OLFML2B: variants seen among roughly 807,000 people sequenced by gnomAD.
OLFML2B encodes the protein olfactomedin-like protein 2B.
Under a neutral mutation model 74.9 loss-of-function variants are expected in OLFML2B, and 57 were observed. The ratio of observed to expected loss-of-function variants is 0.76; its 90% CI spans 0.61 to 0.95. OLFML2B has a LOEUF of 0.95. Ranked by LOEUF, OLFML2B falls within the 40% of genes least tolerant of loss-of-function variation. OLFML2B has a pLI of 0.00. For synonymous variants in OLFML2B, 388 were observed against 405.8 expected (o/e 0.96, Z 0.53); for missense variants, 986 against 970.6 (o/e 1.02, Z -0.21).
At chr1:162,005,621 G>A (rs1690199540) in intron 4 of OLFML2B, among the ~76,000 whole-genome samples, 1 of 152,214 alleles carries the variant, frequency 6.6e-6, no homozygotes. Context: ...GCCAGGTACA[G>A]TGGCCCACGC....
Position 162,023,606 on chromosome 1 carries a change from G to A in OLFML2B, c.-176C>T, listed in dbSNP as rs980862269. On this transcript the variant is annotated 5_prime_UTR_variant, in exon 1 of 8. Transcript: ENST00000294794. The stretch of plus-strand genomic sequence containing the variant: ...GGAGGGTGCGCCCCAGAGACTCTGG[G>A]CATCTCCTTCCCGACGCGAGCAGCC... 3.2e-5 allele frequency: 16 copies of A among 507,590 alleles called. No homozygotes were observed. The highest frequency in any genetic ancestry group is 2.8e-4 in the African/African-American group (14 of 50,702). 31.4% of individuals were successfully genotyped at this position (507,590 alleles called of 1,614,324 possible).
At chr1:161,995,235 C>G (rs1689858951) in intron 6 of OLFML2B, among the ~76,000 whole-genome samples, 1 of 40,208 alleles carries the variant, frequency 2.5e-5, no homozygotes, top group Admixed American at 2.1e-4. Flanking sequence ...AAGCTTTCTT[C>G]TCTGGGCCAC....
chr1:161,992,601 A>G (rs1250662016), intron 6 of OLFML2B, among the ~76,000 whole-genome samples: 3 of 152,158 alleles, frequency 2.0e-5, no homozygotes, highest in Non-Finnish European at 4.4e-5. Flanking sequence ...CTTTCACCTA[A>G]ACACCTAGAG....
chr1:162,010,362 T>C (rs1167953965), intron 3 of OLFML2B, among the ~76,000 whole-genome samples: 3 of 152,132 alleles, frequency 2.0e-5, no homozygotes, highest in Non-Finnish European at 4.4e-5. Flanking sequence ...TGGGAACAGG[T>C]GTCCACTGCT....
At chr1:162,005,125 G>A (rs967795111) in intron 4 of OLFML2B, among the ~76,000 whole-genome samples, 7 of 152,120 alleles carry the variant, frequency 4.6e-5, no homozygotes, top group Non-Finnish European at 1.0e-4. Context: ...CCTATTTCTT[G>A]GACAACAATT....
At chr1:162,004,667 C>T (rs1690171133) in intron 4 of OLFML2B, among the ~76,000 whole-genome samples, 1 of 152,126 alleles carries the variant, frequency 6.6e-6, no homozygotes, top group South Asian at 2.1e-4. Context: ...AGTTTCAAGC[C>T]CACACACCCA....
At chr1:162,009,929 G>T (rs898407116) in intron 3 of OLFML2B, among the ~76,000 whole-genome samples, 3 of 152,232 alleles carry the variant, frequency 2.0e-5, no homozygotes, top group Admixed American at 6.5e-5. Context: ...TGGGAAATAG[G>T]TGAACCCCAT....
Position 161,984,294 on chromosome 1 carries a change from A to G in OLFML2B, c.1652-18T>C, listed in dbSNP as rs1689525366. ...CCAGCGACCTGCAGGTGGGGAGAAA[A>G]CAGGAGGCTTCAGAGTGGCATGGCA... On this transcript the variant is annotated intron_variant, in intron 7 of 7. Coordinates refer to ENST00000294794, the MANE Select transcript of OLFML2B (RefSeq NM_015441.3). 1 of 1,516,680 alleles carries G rather than the reference A, an allele frequency of 6.6e-7. No individual in the cohort carries two copies. 94.0% of individuals were successfully genotyped at this position (1,516,680 alleles called of 1,614,324 possible). A position where few individuals can be genotyped will look rare whatever the true frequency, so the allele number is the denominator to read the frequency against.
chr1:162,001,472 C>T (rs548092009), intron 4 of OLFML2B, among the ~76,000 whole-genome samples: 2 of 152,298 alleles, frequency 1.3e-5, no homozygotes, highest in South Asian at 4.1e-4. Flanking sequence ...AGCTGAGCAG[C>T]CATCTTGTGA....
intron 4 of OLFML2B, 136 bp from the exon 5 acceptor site, chr1:162,000,474 T>C (rs1276126491): frequency 1.6e-6 from 1 of 617,700 alleles, no homozygotes; most frequent in Non-Finnish European, 2.8e-6. Flanking sequence ...TTCTAAGTGC[T>C]TTATACATTT....
chr1:162,004,075 A>G (rs1359549901), intron 4 of OLFML2B, among the ~76,000 whole-genome samples: 1 of 152,166 alleles, frequency 6.6e-6, no homozygotes, highest in Non-Finnish European at 1.5e-5. Context: ...CGAACATACC[A>G]CATAATGTGT....
At position 161,988,389 on chromosome 1, in the gene OLFML2B, TC is replaced by T. The variant is rs768827466; in HGVS notation, c.1475-3410del. ...AGCTCTGGTGCTTACTTGGCAAGCTTCCCCAGTAGGGTCCTTGGGCGTCTGC... is the reference window on the plus strand; with the variant it reads ...AGCTCTGGTGCTTACTTGGCAAGCTTCCCAGTAGGGTCCTTGGGCGTCTGC... On this transcript the variant is annotated intron_variant, in intron 6 of 7. Coordinates refer to ENST00000294794, the MANE Select transcript of OLFML2B (RefSeq NM_015441.3). Among the ~76,000 whole-genome samples, 66 of 152,268 alleles carry T rather than the reference TC, an allele frequency of 4.3e-4. 1 individual carries two copies. The highest frequency in any genetic ancestry group is 1.5e-3 in the South Asian group (7 of 4,814).
intron 6 of OLFML2B, among the ~76,000 whole-genome samples, chr1:161,991,147 TTGA>T (rs1689731328): frequency 6.6e-6 from 1 of 152,226 alleles, no homozygotes; most frequent in Non-Finnish European, 1.5e-5. Flanking sequence ...CCTGTTAATG[TTGA>T]TATTTTGACC....
intron 3 of OLFML2B, among the ~76,000 whole-genome samples, chr1:162,009,078 G>C (rs1337075779): frequency 6.6e-6 from 1 of 152,202 alleles, no homozygotes; most frequent in Non-Finnish European, 1.5e-5. Flanking sequence ...GAGGGTTCAA[G>C]CGTGAGCAAG....
chr1:162,000,793 C>T (rs996383558), intron 4 of OLFML2B, among the ~76,000 whole-genome samples: 1 of 152,136 alleles, frequency 6.6e-6, no homozygotes. Flanking sequence ...GATGCCTGGG[C>T]TGGGACATGA....
intron 3 of OLFML2B, among the ~76,000 whole-genome samples, chr1:162,009,928 G>C (rs1356330887): frequency 1.3e-5 from 2 of 152,222 alleles, no homozygotes; most frequent in Non-Finnish European, 2.9e-5. Flanking sequence ...CTGGGAAATA[G>C]GTGAACCCCA....
At position 161,998,212 on chromosome 1, in the gene OLFML2B, C is replaced by A. The variant is rs372550662; in HGVS notation, c.1087G>T (p.Asp363Tyr). 1 of 1,613,978 alleles carries A rather than the reference C, an allele frequency of 6.2e-7. No individual in the cohort carries two copies. The highest frequency in any genetic ancestry group is 1.7e-5 in the Admixed American group (1 of 60,022). The change falls in exon 6 of 8, where the codon GAC becomes TAC. Residue 363 changes from aspartate to tyrosine, a missense_variant. Physicochemically the swap from Asp to Tyr is radical, Grantham distance 160. Coordinates refer to ENST00000294794, the MANE Select transcript of OLFML2B (RefSeq NM_015441.3). ...RQGHSTAVTS[D>Y]LNARTAPWSS... ...CAGGGTGCGGTCCGAGCGTTCAGGTCGCTTGTCACAGCAGTGCTGTGTCCC... is the reference window on the plus strand; with the variant it reads ...CAGGGTGCGGTCCGAGCGTTCAGGTAGCTTGTCACAGCAGTGCTGTGTCCC...
At chr1:161,994,608 T>G (rs1387637999) in intron 6 of OLFML2B, among the ~76,000 whole-genome samples, 2 of 152,210 alleles carry the variant, frequency 1.3e-5, no homozygotes, top group African/African-American at 2.4e-5. Flanking sequence ...TGCAGTAGCC[T>G]GAGCTATTCC....
intron 6 of OLFML2B, among the ~76,000 whole-genome samples, chr1:161,989,378 A>T (rs1166586481): frequency 1.3e-5 from 2 of 152,190 alleles, no homozygotes; most frequent in Non-Finnish European, 2.9e-5. Context: ...GTGAGACAAA[A>T]GGTGGCAGAA....
Sources: gnomAD v4.1 joint callset for allele counts (sites outside exome capture counted in the v4.1 genomes callset) on GRCh38, gnomAD v4.1.1 for gene constraint, MANE v1.5 for transcripts, NCBI Gene and HGNC (gene_info 2026-07-23, HGNC 2026-07-21) for gene names.